MALRD1: variants seen among roughly 807,000 people sequenced by gnomAD.
MALRD1 encodes the protein MAM and LDL receptor class A domain containing 1, also known as MAM and LDL-receptor class A domain-containing protein 1.
Under a neutral mutation model 242.1 loss-of-function variants are expected in MALRD1, and 247 were observed. The observed-to-expected ratio is 1.02, with a 90% CI of 0.92 to 1.13. The LOEUF is 1.13. Ranked by LOEUF, MALRD1 falls within the 50% of genes most tolerant of loss-of-function variation. The pLI is 0.00. For missense variants in MALRD1, 2,989 were observed against 2,533.1 expected (o/e 1.18, Z -3.86); for synonymous variants, 995 against 866.6 (o/e 1.15, Z -2.60).
intron 21 of MALRD1, among the ~76,000 whole-genome samples, chr10:19,301,669 A>G (rs902962097): frequency 6.6e-6 from 1 of 151,788 alleles, no homozygotes; most frequent in African/African-American, 2.4e-5. Context: ...CATTGAGTAC[A>G]CATGGACACA....
chr10:19,539,505 G>A (rs1325233130), intron 32 of MALRD1, among the ~76,000 whole-genome samples: 3 of 152,138 alleles, frequency 2.0e-5, no homozygotes, highest in Non-Finnish European at 2.9e-5. Context: ...ATATTTTTCA[G>A]TATACATTTG....
At chr10:19,657,705 AC>A (rs1841227798) in intron 36 of MALRD1, among the ~76,000 whole-genome samples, 1 of 152,150 alleles carries the variant, frequency 6.6e-6, no homozygotes, top group African/African-American at 2.4e-5. Context: ...AACCAATTAT[AC>A]TCTGTTAGCT....
intron 28 of MALRD1, among the ~76,000 whole-genome samples, chr10:19,417,087 CT>C (rs1288594191): frequency 6.6e-6 from 1 of 152,178 alleles, no homozygotes; most frequent in Non-Finnish European, 1.5e-5. Flanking sequence ...TTTCCTCCCA[CT>C]TTCCCAGCTT....
chr10:19,348,108 G>A (rs1294481155), intron 25 of MALRD1, 90 bp downstream of exon 25: 3 of 1,433,368 alleles, frequency 2.1e-6, no homozygotes, highest in Non-Finnish European at 2.8e-6. Flanking sequence ...AGAGTGGCTG[G>A]GGCCAGAGAA....
At position 19,531,302 on chromosome 10, in the gene MALRD1, T is replaced by C. The variant is rs754312245; in HGVS notation, c.5429T>C (p.Val1810Ala). Reference sequence around the variant, plus strand: ...CCAGCAAGCCTTGGAATGTGTACTGTTCGGTTCTGGTTCTACATGATTGAT... The same window carrying C: ...CCAGCAAGCCTTGGAATGTGTACTGCTCGGTTCTGGTTCTACATGATTGAT... The part of the protein sequence containing the change: ...SFPASLGMCT[V>A]RFWFYMIDPR... Residue 1810 changes from valine to alanine, a missense_variant, in exon 32 of 40, where the codon GTT becomes GCT. Transcript: ENST00000454679. 2.4e-5 allele frequency: 37 copies of C among 1,550,026 alleles called. No homozygotes were observed. The highest frequency in any genetic ancestry group is 3.1e-5 in the Non-Finnish European group (35 of 1,146,548).
intron 2 of MALRD1, among the ~76,000 whole-genome samples, chr10:19,074,210 A>G (rs1474130682): frequency 6.6e-6 from 1 of 152,238 alleles, no homozygotes; most frequent in South Asian, 2.1e-4. Context: ...CACAGTTGAC[A>G]ATCCTATTTC....
chr10:19,426,099 A>G (rs897607599), intron 28 of MALRD1, among the ~76,000 whole-genome samples: 3 of 152,168 alleles, frequency 2.0e-5, no homozygotes, highest in African/African-American at 7.2e-5. Flanking sequence ...TTGACATATG[A>G]ATATATATCA....
At chr10:19,147,933 G>A (rs11008674) in intron 11 of MALRD1, among the ~76,000 whole-genome samples, 9,055 of 152,212 alleles carry the variant, frequency 0.059, 327 homozygotes, top group East Asian at 0.2. Flanking sequence ...AGTAGTTAGG[G>A]ATGAAAGACG....
chr10:19,048,246 T>A (rs1834388195), upstream of MALRD1, among the ~76,000 whole-genome samples: 1 of 152,206 alleles, frequency 6.6e-6, no homozygotes, highest in Non-Finnish European at 1.5e-5. Flanking sequence ...CATAACTTCC[T>A]TGGGTTGAAG....
chr10:19,541,218 T>C (rs1161554651), intron 32 of MALRD1, among the ~76,000 whole-genome samples: 1 of 152,220 alleles, frequency 6.6e-6, no homozygotes, highest in Non-Finnish European at 1.5e-5. Context: ...CTGAACTTCA[T>C]GGCCATTGTT....
chr10:19,645,964 A>T (rs538652001), intron 36 of MALRD1, among the ~76,000 whole-genome samples: 48 of 152,188 alleles, frequency 3.2e-4, no homozygotes, highest in Non-Finnish European at 4.4e-4. Flanking sequence ...CTGTTTTCCT[A>T]CGAAAACAAA....
At chr10:19,513,301 G>A (rs180871891) in intron 31 of MALRD1, among the ~76,000 whole-genome samples, 3 of 152,080 alleles carry the variant, frequency 2.0e-5, no homozygotes, top group East Asian at 1.9e-4. Context: ...TTCTCACTAC[G>A]TGATCTAACA....
chr10:19,645,797 G>A (rs1433260023), intron 36 of MALRD1, among the ~76,000 whole-genome samples: 1 of 152,100 alleles, frequency 6.6e-6, no homozygotes, highest in Non-Finnish European at 1.5e-5. Flanking sequence ...GTTAATGGGT[G>A]CAGCACACCA....
chr10:19,398,182 C>T (rs1361344063), intron 28 of MALRD1, among the ~76,000 whole-genome samples: 1 of 151,746 alleles, frequency 6.6e-6, no homozygotes, highest in Non-Finnish European at 1.5e-5. Context: ...TCTCATTTGT[C>T]TATTTTTGCT....
At chr10:19,301,229 G>A (rs1047223434) in intron 21 of MALRD1, among the ~76,000 whole-genome samples, 4 of 151,858 alleles carry the variant, frequency 2.6e-5, no homozygotes, top group Non-Finnish European at 2.9e-5. Context: ...GACGAGGTTA[G>A]GGAGAAAAGT....
intron 32 of MALRD1, among the ~76,000 whole-genome samples, chr10:19,549,754 C>A (rs925106718): frequency 2.0e-5 from 3 of 152,108 alleles, no homozygotes; most frequent in African/African-American, 7.2e-5. Context: ...TTGAGCTCTG[C>A]TGATTAATGT....
In MALRD1 at chr10:19,280,636, G is replaced by A. The variant is rs1840757267; in HGVS notation, c.3256+413G>A. Reference sequence around the variant, plus strand: ...TTGCCAAAATGCACATACAACATTAGTACTATTAAAATATGCAGAGTTCAT... The same window carrying A: ...TTGCCAAAATGCACATACAACATTAATACTATTAAAATATGCAGAGTTCAT... On this transcript the variant is annotated intron_variant, in intron 20 of 39. Coordinates refer to ENST00000454679, the MANE Select transcript of MALRD1 (RefSeq NM_001142308.3). Among the ~76,000 whole-genome samples the A allele has an allele frequency of 1.3e-5, 2 of 152,104 alleles. 1 individual carries two copies. Among genetic ancestry groups the A allele is most frequent in the East Asian group, 3.9e-4 (2 of 5,190 alleles).
intron 18 of MALRD1, among the ~76,000 whole-genome samples, chr10:19,230,202 T>A (rs543049817): frequency 6.6e-6 from 1 of 152,258 alleles, no homozygotes; most frequent in South Asian, 2.1e-4. Flanking sequence ...AATTACCCAG[T>A]CTTGGGTATG....
chr10:19,055,646 G>T (rs924139345), intron 1 of MALRD1, among the ~76,000 whole-genome samples: 1 of 152,154 alleles, frequency 6.6e-6, no homozygotes, highest in African/African-American at 2.4e-5. Context: ...TTCTAACATC[G>T]TTTACTGAGG....
Sources: gnomAD v4.1 joint callset for allele counts (sites outside exome capture counted in the v4.1 genomes callset) on GRCh38, gnomAD v4.1.1 for gene constraint, MANE v1.5 for transcripts, NCBI Gene and HGNC (gene_info 2026-07-23, HGNC 2026-07-21) for gene names.